Variants in AGBL4 observed in about 807,000 individuals in gnomAD.
The protein encoded by AGBL4 is cytosolic carboxypeptidase 6.
Under a neutral mutation model 66.4 loss-of-function variants are expected in AGBL4, and 58 were observed. That is an observed-to-expected ratio of 0.87 (90% CI 0.71 to 1.09). The LOEUF (loss-of-function observed/expected upper bound fraction) is 1.09, where lower values mean the gene tolerates loss of function less well. AGBL4 is among the 50% of genes least tolerant of loss of function. AGBL4 has a pLI of 0.00. For missense variants in AGBL4, 579 were observed against 631.0 expected (o/e 0.92, Z 0.88); for synonymous variants, 234 against 222.9 (o/e 1.05, Z -0.44).
intron 6 of AGBL4, among the ~76,000 whole-genome samples, chr1:48,713,930 A>T (rs1317725801): frequency 6.6e-6 from 1 of 152,196 alleles, no homozygotes; most frequent in Admixed American, 6.5e-5. Flanking sequence ...CCCATTTTAC[A>T]GCTGAGGAAA....
intron 2 of AGBL4, among the ~76,000 whole-genome samples, chr1:49,781,509 C>T (rs994520779): frequency 2.6e-5 from 4 of 151,998 alleles, no homozygotes; most frequent in African/African-American, 9.7e-5. Context: ...CAAAACATGA[C>T]AGAATTAAAA....
chr1:48,684,595 C>T (rs889436546), intron 6 of AGBL4, among the ~76,000 whole-genome samples: 1 of 152,186 alleles, frequency 6.6e-6, no homozygotes, highest in Non-Finnish European at 1.5e-5. Context: ...AAGGAGTCAG[C>T]AGGTACCTTA....
At chr1:49,503,620 C>G (rs1451378054) in intron 3 of AGBL4, among the ~76,000 whole-genome samples, 1 of 152,186 alleles carries the variant, frequency 6.6e-6, no homozygotes, top group Non-Finnish European at 1.5e-5. Context: ...GGGAGCCCAC[C>G]TCTTGAATCA....
intron 10 of AGBL4, among the ~76,000 whole-genome samples, chr1:48,588,675 G>GTA (rs1263782056): frequency 6.6e-6 from 1 of 151,798 alleles, no homozygotes; most frequent in African/African-American, 2.4e-5. Context: ...GTGTGTGTGT[G>GTA]TGTGTGTGTC....
intron 4 of AGBL4, among the ~76,000 whole-genome samples, chr1:49,218,739 A>G (rs370438266): frequency 2.0e-5 from 3 of 152,098 alleles, no homozygotes; most frequent in East Asian, 1.9e-4. Flanking sequence ...GTCCCCACCC[A>G]AATCTCATCT....
chr1:48,644,178 T>A (rs1645800024), intron 8 of AGBL4, among the ~76,000 whole-genome samples: 1 of 152,180 alleles, frequency 6.6e-6, no homozygotes, highest in African/African-American at 2.4e-5. Context: ...ATACATTCAA[T>A]TAATGTTTCG....
chr1:50,018,556 T>A (rs1662165862), intron 1 of AGBL4, among the ~76,000 whole-genome samples: 1 of 152,116 alleles, frequency 6.6e-6, no homozygotes, highest in Non-Finnish European at 1.5e-5. Flanking sequence ...AACTGTGCTG[T>A]TCTTAAATGA....
intron 4 of AGBL4, among the ~76,000 whole-genome samples, chr1:49,133,248 G>A (rs1457598572): frequency 6.6e-6 from 1 of 152,120 alleles, no homozygotes; most frequent in African/African-American, 2.4e-5. Flanking sequence ...GGGGTTGTGG[G>A]GCTAGGGGAG....
intron 3 of AGBL4, among the ~76,000 whole-genome samples, chr1:49,590,974 C>A: frequency 6.6e-6 from 1 of 151,890 alleles, no homozygotes; most frequent in African/African-American, 2.4e-5. Flanking sequence ...AAAATAAAAA[C>A]AAGGATTACA....
rs138826187 is a variant in AGBL4, at chr1:48,852,015, C to CTTTTTTTT, written c.634+15168_634+15175dup. 3.9e-3 allele frequency among the ~76,000 whole-genome samples: 279 copies of CTTTTTTTT among 71,928 alleles called. 14 individuals are homozygous for CTTTTTTTT. Among genetic ancestry groups the CTTTTTTTT allele is most frequent in the African/African-American group, 0.013 (252 of 19,832 alleles). 47.2% of individuals were successfully genotyped at this position (71,928 alleles called of 152,430 possible). A position where few individuals can be genotyped will look rare whatever the true frequency, so the allele number is the denominator to read the frequency against. On this transcript the variant is annotated intron_variant, in intron 6 of 13. Coordinates refer to ENST00000371839, the MANE Select transcript of AGBL4 (RefSeq NM_032785.4). ...GGTTCTGGTATGTGCCAGATACGTA[C>CTTTTTTTT]TTTTTTTTTTTTTTTTTTTTTTTTC...
At chr1:49,555,746 G>C (rs1345657864) in intron 3 of AGBL4, among the ~76,000 whole-genome samples, 1 of 149,276 alleles carries the variant, frequency 6.7e-6, no homozygotes. Flanking sequence ...CTCAAAAGAA[G>C]ACATTTATGC....
intron 3 of AGBL4, among the ~76,000 whole-genome samples, chr1:49,561,223 T>C (rs962980897): frequency 6.6e-6 from 1 of 151,820 alleles, no homozygotes; most frequent in Admixed American, 6.6e-5. Flanking sequence ...CAATTTAGGG[T>C]GTAGAGCTTT....
chr1:50,004,226 C>A (rs1482841996), intron 1 of AGBL4, among the ~76,000 whole-genome samples: 6 of 152,122 alleles, frequency 3.9e-5, no homozygotes, highest in Admixed American at 6.5e-5. Context: ...ACCAGTGCCC[C>A]CAGAAGGAAC....
intron 3 of AGBL4, among the ~76,000 whole-genome samples, chr1:49,285,927 C>A (rs1038231768): frequency 6.6e-6 from 1 of 152,136 alleles, no homozygotes; most frequent in African/African-American, 2.4e-5. Flanking sequence ...AATTTTACAC[C>A]AATATCCTTG....
At position 48,741,224 on chromosome 1, in the gene AGBL4, T is replaced by C. The variant is rs112068273; in HGVS notation, c.635-77983A>G. On this transcript the variant is annotated intron_variant, in intron 6 of 13. Transcript: ENST00000371839. ...AAACATAGCATAGTCCTATCTTTTA[T>C]CTTTGATTGGGGAAGGTTCACCAAA... 1.3e-3 allele frequency among the ~76,000 whole-genome samples: 202 copies of C among 152,354 alleles called. 2 individuals carry two copies. The highest frequency in any genetic ancestry group is 4.5e-3 in the African/African-American group (186 of 41,582).
chr1:49,864,538 G>C (rs1646654336), intron 1 of AGBL4, among the ~76,000 whole-genome samples: 2 of 152,190 alleles, frequency 1.3e-5, no homozygotes, highest in South Asian at 4.2e-4. Context: ...GTGAGGAAAA[G>C]CAGAGCAACA....
chr1:48,951,444 C>T (rs977874568), intron 5 of AGBL4, among the ~76,000 whole-genome samples: 68 of 152,166 alleles, frequency 4.5e-4, no homozygotes, highest in African/African-American at 1.6e-3. Flanking sequence ...TTTGTCACCC[C>T]CATCCCTCCC....
intron 5 of AGBL4, among the ~76,000 whole-genome samples, chr1:49,027,312 C>A (rs950697841): frequency 1.3e-5 from 2 of 151,900 alleles, no homozygotes; most frequent in African/African-American, 2.4e-5. Context: ...AGGTGTGTGC[C>A]ATGACACACA....
At chr1:49,286,735 A>G (rs926865364) in intron 3 of AGBL4, among the ~76,000 whole-genome samples, 1 of 152,020 alleles carries the variant, frequency 6.6e-6, no homozygotes, top group African/African-American at 2.4e-5. Context: ...ATGGAAGAAC[A>G]TTCCATGCTC....
Sources: gnomAD v4.1 joint callset for allele counts (sites outside exome capture counted in the v4.1 genomes callset) on GRCh38, gnomAD v4.1.1 for gene constraint, MANE v1.5 for transcripts, NCBI Gene and HGNC (gene_info 2026-07-23, HGNC 2026-07-21) for gene names.